The following RGL1 variants were observed in gnomAD, a reference collection of about 807,000 sequenced individuals.
RGL1 encodes the protein ral guanine nucleotide dissociation stimulator-like 1.
RGL1 carries 24 observed loss-of-function variants against 95.2 expected under a neutral mutation model. The ratio of observed to expected loss-of-function variants is 0.25; its 90% CI spans 0.18 to 0.35. The LOEUF (loss-of-function observed/expected upper bound fraction) is 0.35. Among genes scored for constraint, RGL1 ranks in the 10% least tolerant of loss-of-function variants. The pLI, the probability that RGL1 is intolerant of heterozygous loss-of-function variation, is 1.00. For missense variants in RGL1, 715 were observed against 936.3 expected (o/e 0.76, Z 3.08); for synonymous variants, 329 against 344.9 (o/e 0.95, Z 0.51).
Position 183,667,180 on chromosome 1 carries a change from A to ATC in RGL1, c.-33+30681_-33+30682dup, listed in dbSNP as rs569842207. Among the ~76,000 whole-genome samples the ATC allele has an allele frequency of 9.8e-4, 149 of 152,200 alleles. 1 individual carries two copies. Among genetic ancestry groups the ATC allele is most frequent in the African/African-American group, 3.5e-3 (146 of 41,548 alleles). Reference sequence around the variant, plus strand: ...CTTTCGATTATTATTAGCATGGTATATCTTTCTTTATCTCTTTCAATCTGT... The same window carrying ATC: ...CTTTCGATTATTATTAGCATGGTATATCTCTTTCTTTATCTCTTTCAATCTGT... On this transcript the variant is annotated intron_variant, in intron 1 of 18. Coordinates refer to the RGL1 transcript ENST00000304685.
At chr1:183,781,100 G>T (rs867098639) in intron 2 of RGL1, among the ~76,000 whole-genome samples, 4 of 152,214 alleles carry the variant, frequency 2.6e-5, no homozygotes, top group Middle Eastern at 3.4e-3. Context: ...AGGACATTTT[G>T]GTTCTTCATA....
chr1:183,771,791 A>C (rs1659286029), intron 2 of RGL1, among the ~76,000 whole-genome samples: 1 of 152,132 alleles, frequency 6.6e-6, no homozygotes, highest in Non-Finnish European at 1.5e-5. Context: ...GCGTTTCCCA[A>C]CACCACCCTG....
intron 2 of RGL1, among the ~76,000 whole-genome samples, chr1:183,771,189 G>C (rs1659253510): frequency 6.6e-6 from 1 of 151,954 alleles, no homozygotes; most frequent in African/African-American, 2.4e-5. Context: ...AGCCCTCTCT[G>C]TTTGGCTCCG....
chr1:183,765,065 A>C (rs1658894920), intron 2 of RGL1, among the ~76,000 whole-genome samples: 1 of 152,172 alleles, frequency 6.6e-6, no homozygotes, highest in African/African-American at 2.4e-5. Flanking sequence ...CCAAGGCCCC[A>C]AAAGAACTTG....
chr1:183,824,615 A>G (rs2102467855), intron 2 of RGL1, among the ~76,000 whole-genome samples: 1 of 152,332 alleles, frequency 6.6e-6, no homozygotes, highest in African/African-American at 2.4e-5. Flanking sequence ...AACAATTTTG[A>G]CAAGGCTCAG....
chr1:183,860,635 T>G (rs1242327041), intron 3 of RGL1, among the ~76,000 whole-genome samples: 1 of 152,200 alleles, frequency 6.6e-6, no homozygotes, highest in African/African-American at 2.4e-5. Context: ...CACATTCACA[T>G]TGGGCCTTCC....
At chr1:183,861,359 G>A (rs533779095) in intron 3 of RGL1, among the ~76,000 whole-genome samples, 118 of 152,124 alleles carry the variant, frequency 7.8e-4, no homozygotes, top group Non-Finnish European at 1.5e-3. Context: ...CTTTATCTAA[G>A]GGTTTCTTTG....
intron 3 of RGL1, among the ~76,000 whole-genome samples, chr1:183,849,483 G>GTTTTTTGT (rs1664678275): frequency 8.3e-6 from 1 of 120,852 alleles, no homozygotes; most frequent in Non-Finnish European, 1.6e-5. Context: ...CCAGTTTTTA[G>GTTTTTTGT]TTTTTTTTTT....
chr1:183,921,354 G>C (rs1198599338), intron 16 of RGL1, among the ~76,000 whole-genome samples: 4 of 152,170 alleles, frequency 2.6e-5, no homozygotes, highest in African/African-American at 9.7e-5. Context: ...TCTAGATAAA[G>C]AACATTTCCA....
At chr1:183,895,614 CA>C (rs1326032071) in intron 9 of RGL1, among the ~76,000 whole-genome samples, 1 of 151,990 alleles carries the variant, frequency 6.6e-6, no homozygotes, top group Admixed American at 6.5e-5. Context: ...GCAGAGGAGG[CA>C]GGGGGAGAGA....
intron 1 of RGL1, among the ~76,000 whole-genome samples, chr1:183,693,421 C>T (rs1210990402): frequency 6.6e-6 from 1 of 151,844 alleles, no homozygotes; most frequent in African/African-American, 2.4e-5. Flanking sequence ...GATTTGGTCC[C>T]CTAGTTCTTC....
intron 1 of RGL1, among the ~76,000 whole-genome samples, chr1:183,683,469 C>T (rs895381709): frequency 2.0e-5 from 3 of 152,158 alleles, no homozygotes; most frequent in Non-Finnish European, 4.4e-5. Context: ...AAATTCTTTT[C>T]TTTAAGAATG....
At chr1:183,879,181 C>A (rs146425471) in intron 4 of RGL1, among the ~76,000 whole-genome samples, 1,778 of 151,980 alleles carry the variant, frequency 0.012, 31 homozygotes, top group African/African-American at 0.04. Context: ...GTTCCAAATG[C>A]TTTAACGTTC....
intron 12 of RGL1, among the ~76,000 whole-genome samples, chr1:183,903,558 A>G (rs909990014): frequency 1.3e-4 from 20 of 151,788 alleles, no homozygotes; most frequent in African/African-American, 3.6e-4. Context: ...TCTACCTAAC[A>G]TGGGGGGGGT....
intron 1 of RGL1, among the ~76,000 whole-genome samples, chr1:183,692,473 G>A (rs1654004306): frequency 1.3e-5 from 2 of 152,234 alleles, no homozygotes; most frequent in South Asian, 4.1e-4. Context: ...CTCTGGGGAA[G>A]GAGAGAAGGT....
At position 183,713,823 on chromosome 1, in the gene RGL1, A is replaced by G. The variant is rs147485580; in HGVS notation, c.-32-28303A>G. Reference sequence around the variant, plus strand: ...AGAAGCCCTGTTGGACTAAGATACCATGAATCTAGAGATATTTTGCATATT... The same window carrying G: ...AGAAGCCCTGTTGGACTAAGATACCGTGAATCTAGAGATATTTTGCATATT... On this transcript the variant is annotated intron_variant, in intron 1 of 18. Transcript: ENST00000304685. Among the ~76,000 whole-genome samples, 311 of 152,358 alleles carry G rather than the reference A, an allele frequency of 2.0e-3. 1 individual carries two copies. Among genetic ancestry groups the G allele is most frequent in the Non-Finnish European group, 3.3e-3 (224 of 68,026 alleles).
intron 2 of RGL1, among the ~76,000 whole-genome samples, chr1:183,831,825 T>G (rs1663276742): frequency 6.6e-6 from 1 of 152,222 alleles, no homozygotes; most frequent in Non-Finnish European, 1.5e-5. Flanking sequence ...CTTAAAAATT[T>G]TACAGTCTAG....
At chr1:183,922,124 G>A in intron 16 of RGL1, 98 bp from the exon 17 acceptor site, 1 of 927,600 alleles carries the variant, frequency 1.1e-6, no homozygotes, top group Non-Finnish European at 1.7e-6. Flanking sequence ...TTCTGGAAAG[G>A]CATCACAACA....
At chr1:183,797,546 A>AT (rs1451350510) in intron 2 of RGL1, among the ~76,000 whole-genome samples, 1 of 152,206 alleles carries the variant, frequency 6.6e-6, no homozygotes, top group Non-Finnish European at 1.5e-5. Flanking sequence ...TAAAAACGTA[A>AT]TAACAGAGCA....
Sources: allele counts gnomAD v4.1 joint callset (sites outside exome capture counted in the v4.1 genomes callset), GRCh38; gene constraint gnomAD v4.1.1; transcripts MANE v1.5; gene names NCBI Gene and HGNC (gene_info 2026-07-23, HGNC 2026-07-21).